Variants in SMOC2 observed in about 807,000 individuals in gnomAD.
SMOC2 encodes the protein SPARC related modular calcium binding 2.
A neutral mutation model predicts 61.4 loss-of-function variants in SMOC2; 39 were observed. The observed-to-expected ratio is 0.64, with a 90% CI of 0.49 to 0.83. The LOEUF (loss-of-function observed/expected upper bound fraction) is 0.83. SMOC2 is among the 40% of genes least tolerant of loss of function. The probability of loss-of-function intolerance (pLI) is 0.00; values close to 1 mark genes in which losing one functional copy is unlikely to be tolerated. For synonymous variants in SMOC2, 247 were observed against 239.9 expected (o/e 1.03, Z -0.27); for missense variants, 556 against 592.9 (o/e 0.94, Z 0.65).
chr6:168,497,350 G>A (rs780843765), intron 1 of SMOC2, among the ~76,000 whole-genome samples: 3 of 152,266 alleles, frequency 2.0e-5, no homozygotes, highest in Non-Finnish European at 4.4e-5. Context: ...TTCCCAAAGG[G>A]ACGGCCTCTG....
At chr6:168,657,891 A>G (rs890447343) in intron 11 of SMOC2, among the ~76,000 whole-genome samples, 9 of 151,800 alleles carry the variant, frequency 5.9e-5, no homozygotes, top group Admixed American at 2.0e-4. Flanking sequence ...GACCTCTTAA[A>G]CCTCCCAACG....
intron 8 of SMOC2, among the ~76,000 whole-genome samples, chr6:168,602,893 T>G (rs936410075): frequency 2.6e-5 from 4 of 152,130 alleles, no homozygotes; most frequent in Non-Finnish European, 5.9e-5. Flanking sequence ...GGGCAGGTCC[T>G]GGGAGAGATG....
intron 4 of SMOC2, among the ~76,000 whole-genome samples, chr6:168,542,718 A>G (rs1783899051): frequency 6.6e-6 from 1 of 152,212 alleles, no homozygotes; most frequent in Non-Finnish European, 1.5e-5. Context: ...TTTCTCTGCC[A>G]TCCAATGAAT....
intron 2 of SMOC2, among the ~76,000 whole-genome samples, chr6:168,521,742 C>T (rs1783334528): frequency 6.6e-6 from 1 of 152,110 alleles, no homozygotes; most frequent in South Asian, 2.1e-4. Flanking sequence ...ATTTGCCAGT[C>T]GTGGTGCCTG....
chr6:168,614,828 A>AGG (rs199633273), intron 9 of SMOC2, among the ~76,000 whole-genome samples: 2 of 45,854 alleles, frequency 4.4e-5, no homozygotes, highest in African/African-American at 1.6e-4. Flanking sequence ...CAGCCAGCAC[A>AGG]GGGCCTCTTC....
chr6:168,600,525 C>T (rs564643338), intron 8 of SMOC2, among the ~76,000 whole-genome samples: 1 of 151,934 alleles, frequency 6.6e-6, no homozygotes, highest in African/African-American at 2.4e-5. Flanking sequence ...AGCTGGGAAG[C>T]AGCAGTAGCT....
At chr6:168,447,163 C>A (rs1046925395) in intron 1 of SMOC2, among the ~76,000 whole-genome samples, 1 of 152,092 alleles carries the variant, frequency 6.6e-6, no homozygotes, top group Non-Finnish European at 1.5e-5. Context: ...GCCTCCTGGG[C>A]TCAAGCGATT....
rs1299567047 is a variant in SMOC2 at position 168,600,422 on chromosome 6, C to CA, written c.824+1429dup. 4.2e-3 allele frequency among the ~76,000 whole-genome samples: 110 copies of CA among 25,948 alleles called. 4 individuals carry two copies. The highest frequency in any genetic ancestry group is 0.025 in the South Asian group (25 of 994). 17.0% of individuals were successfully genotyped at this position (25,948 alleles called of 152,430 possible). A position where few individuals can be genotyped will look rare whatever the true frequency, so the allele number is the denominator to read the frequency against. ...AACTCTGCCTCAAAAAAAAAAAAAA[C>CA]AAAAAAAAAAACAAAAAAAAAAACA... On this transcript the variant is annotated intron_variant, in intron 8 of 12. Coordinates refer to ENST00000356284, the MANE Select transcript of SMOC2 (RefSeq NM_001166412.2).
chr6:168,479,038 A>G (rs1173865238), intron 1 of SMOC2, among the ~76,000 whole-genome samples: 5 of 151,660 alleles, frequency 3.3e-5, no homozygotes, highest in Non-Finnish European at 7.4e-5. Flanking sequence ...GGAACGTTGA[A>G]TGATTTATGG....
chr6:168,461,485 C>T (rs1275990846), intron 1 of SMOC2, among the ~76,000 whole-genome samples: 1 of 152,152 alleles, frequency 6.6e-6, no homozygotes, highest in African/African-American at 2.4e-5. Context: ...ACTTTTATGA[C>T]AACTTTTTAG....
intron 1 of SMOC2, among the ~76,000 whole-genome samples, chr6:168,486,772 A>G (rs1292564031): frequency 1.3e-5 from 2 of 152,124 alleles, no homozygotes; most frequent in Non-Finnish European, 2.9e-5. Context: ...AAAACAAAAC[A>G]AAACATATTC....
At chr6:168,611,501 G>A (rs535567151) in intron 9 of SMOC2, among the ~76,000 whole-genome samples, 13 of 112,546 alleles carry the variant, frequency 1.2e-4, no homozygotes, top group African/African-American at 4.8e-4. Flanking sequence ...CGTGGCTCCC[G>A]TGTCGGGCCT....
At chr6:168,499,151 G>A (rs1204229758) in intron 1 of SMOC2, among the ~76,000 whole-genome samples, 10 of 151,664 alleles carry the variant, frequency 6.6e-5, no homozygotes, top group Non-Finnish European at 1.5e-4. Context: ...CCCATAGCCT[G>A]TCTACTACAC....
intron 1 of SMOC2, among the ~76,000 whole-genome samples, chr6:168,456,057 G>A (rs1196854899): frequency 6.6e-6 from 1 of 152,262 alleles, no homozygotes; most frequent in Non-Finnish European, 1.5e-5. Context: ...CCACCCCAGA[G>A]CCCAGGGAGG....
intron 9 of SMOC2, among the ~76,000 whole-genome samples, chr6:168,637,997 G>A (rs1249289741): frequency 7.6e-6 from 1 of 131,214 alleles, no homozygotes; most frequent in Non-Finnish European, 1.6e-5. Flanking sequence ...CCACCCTGCA[G>A]CGCCCAGGGA....
At chr6:168,557,451 A>G (rs1180912412) in intron 7 of SMOC2, among the ~76,000 whole-genome samples, 2 of 152,246 alleles carry the variant, frequency 1.3e-5, no homozygotes, top group African/African-American at 2.4e-5. Context: ...AGTAATCAGA[A>G]TGAAGCTTTT....
At chr6:168,451,346 T>G (rs529593862) in intron 1 of SMOC2, among the ~76,000 whole-genome samples, 1 of 152,248 alleles carries the variant, frequency 6.6e-6, no homozygotes, top group Non-Finnish European at 1.5e-5. Flanking sequence ...AAGAGCATGT[T>G]TTCTGCCTCA....
chr6:168,447,710 G>A (rs1344940693), intron 1 of SMOC2, among the ~76,000 whole-genome samples: 1 of 152,026 alleles, frequency 6.6e-6, no homozygotes, highest in Non-Finnish European at 1.5e-5. Context: ...GGCCTGTGGT[G>A]TGTTTGATCA....
intron 12 of SMOC2, 147 bp downstream of exon 12, chr6:168,664,258 A>G: frequency 1.4e-6 from 1 of 722,834 alleles, no homozygotes; most frequent in Non-Finnish European, 2.5e-6. Context: ...CTTACTGACT[A>G]CACCCTATGG....
Sources: gnomAD v4.1 joint callset for allele counts (sites outside exome capture counted in the v4.1 genomes callset) on GRCh38, gnomAD v4.1.1 for gene constraint, MANE v1.5 for transcripts, NCBI Gene and HGNC (gene_info 2026-07-23, HGNC 2026-07-21) for gene names.